The following TIPRL variants were observed in gnomAD, a reference collection of about 807,000 sequenced individuals.
TIPRL encodes the protein TOR signaling pathway regulator.
TIPRL carries 10 observed loss-of-function variants against 32.3 expected under a neutral mutation model. That is an observed-to-expected ratio of 0.31 (90% CI 0.19 to 0.52). The LOEUF is 0.52. Among genes scored for constraint, TIPRL ranks in the 20% least tolerant of loss-of-function variants. The probability of loss-of-function intolerance (pLI) is 0.96; values close to 1 mark genes in which losing one functional copy is unlikely to be tolerated. For synonymous variants in TIPRL, 100 were observed against 114.0 expected (o/e 0.88, Z 0.78); for missense variants, 250 against 328.1 (o/e 0.76, Z 1.84).
intron 5 of TIPRL, among the ~76,000 whole-genome samples, chr1:168,197,979 TAGC>T (rs1390919333): frequency 1.3e-4 from 20 of 152,310 alleles, no homozygotes; most frequent in Admixed American, 9.2e-4. Flanking sequence ...TTGTTTATAA[TAGC>T]AGAAAGGAAG....
intron 3 of TIPRL, among the ~76,000 whole-genome samples, chr1:168,187,712 C>T (rs1700044856): frequency 6.6e-6 from 1 of 152,220 alleles, no homozygotes; most frequent in African/African-American, 2.4e-5. Flanking sequence ...TGTAGTGGCT[C>T]ATGCCTGTAG....
Position 168,196,529 on chromosome 1 carries a change from C to CT in TIPRL, c.517-5dup, listed in dbSNP as rs35234155. 0.057 allele frequency: 68,046 copies of CT among 1,204,170 alleles called. No individual in the cohort carries two copies. Among genetic ancestry groups the CT allele is most frequent in the South Asian group, 0.074 (4,200 of 56,932 alleles). The allele number at this position is 1,204,170 out of a possible 1,614,324, so 74.6% of individuals were successfully genotyped here. On this transcript the variant is annotated splice_polypyrimidine_tract_variant and intron_variant, in intron 4 of 6. Transcript: ENST00000367833. ...AATTTTTATTAAAATATTAATGTACCTTTTTTTTTTTTTCCAGAGAGTAAT... is the reference window on the plus strand; with the variant it reads ...AATTTTTATTAAAATATTAATGTACCTTTTTTTTTTTTTTCCAGAGAGTAAT...
chr1:168,192,517 C>T (rs1356073431), intron 4 of TIPRL: 1 of 640,412 alleles, frequency 1.6e-6, no homozygotes, highest in Non-Finnish European at 1.9e-6. Flanking sequence ...GACCCAAAGA[C>T]CCAGCTAAAA....
At chr1:168,179,832 G>A (rs562877761) in intron 1 of TIPRL, among the ~76,000 whole-genome samples, 4 of 152,034 alleles carry the variant, frequency 2.6e-5, no homozygotes, top group Non-Finnish European at 5.9e-5. Flanking sequence ...TGATGCCTGG[G>A]CTGAATCTTG....
chr1:168,184,992 G>C, intron 3 of TIPRL, 114 bp downstream of exon 3: 1 of 641,584 alleles, frequency 1.6e-6, no homozygotes, highest in Admixed American at 3.1e-5. Context: ...CTTGTTTTCT[G>C]TTGTGGCATT....
Position 168,179,085 on chromosome 1 carries a change from T to C in TIPRL, c.8T>C (p.Ile3Thr). ...GCGGGTCCTGCCTCAGCCATGATGATCCACGGCTTCCAGAGCAGCCACCGG... is the reference window on the plus strand; with the variant it reads ...GCGGGTCCTGCCTCAGCCATGATGACCCACGGCTTCCAGAGCAGCCACCGG... MM[I>T]HGFQSSHRDF... The change falls in exon 1 of 7, where the codon ATC (isoleucine) becomes ACC (threonine). Residue 3 changes from isoleucine to threonine, a missense_variant. Coordinates refer to ENST00000367833, the MANE Select transcript of TIPRL (RefSeq NM_152902.5). 1 of 1,613,616 alleles carries C rather than the reference T, an allele frequency of 6.2e-7. No homozygotes were observed. The highest frequency in any genetic ancestry group is 8.5e-7 in the Non-Finnish European group (1 of 1,179,716).
chr1:168,191,765 G>A lies in TIPRL; in HGVS notation c.516+265G>A, dbSNP rs143676400. 2.5e-3 allele frequency among the ~76,000 whole-genome samples: 371 copies of A among 151,392 alleles called. 1 individual carries two copies. The highest frequency in any genetic ancestry group is 8.7e-3 in the African/African-American group (359 of 41,190). The stretch of plus-strand genomic sequence containing the variant: ...CGGGCGCCTGTAGTCCCAGCTACTC[G>A]GGAGGCTGAGGCAGGAGAGTAGCGT... On this transcript the variant is annotated intron_variant, in intron 4 of 6. Transcript: ENST00000367833.
intron 1 of TIPRL, among the ~76,000 whole-genome samples, chr1:168,180,012 T>G (rs1477597238): frequency 1.3e-5 from 2 of 152,046 alleles, no homozygotes; most frequent in African/African-American, 4.8e-5. Flanking sequence ...CTGAGGGAAT[T>G]TTTATGCCTG....
chr1:168,186,102 A>G lies in TIPRL; in HGVS notation c.384+1224A>G, dbSNP rs192773922. 1.7e-3 allele frequency among the ~76,000 whole-genome samples: 243 copies of G among 146,240 alleles called. 3 individuals carry two copies. Among genetic ancestry groups the G allele is most frequent in the African/African-American group, 5.4e-3 (208 of 38,244 alleles). On this transcript the variant is annotated intron_variant, in intron 3 of 6. Coordinates refer to ENST00000367833, the MANE Select transcript of TIPRL (RefSeq NM_152902.5). ...AAAAAAAAAAAAAAAAAAAAAAAAAAAGAGAGAGATTCATGGTAAATAACG... is the reference window on the plus strand; with the variant it reads ...AAAAAAAAAAAAAAAAAAAAAAAAAGAGAGAGAGATTCATGGTAAATAACG...
chr1:168,179,956 G>C (rs528000868), intron 1 of TIPRL, among the ~76,000 whole-genome samples: 1 of 152,120 alleles, frequency 6.6e-6, no homozygotes, highest in East Asian at 1.9e-4. Flanking sequence ...GGTACCATAG[G>C]GGGTGTTGTG....
rs1466257642 is a variant in TIPRL, at chr1:168,184,770, G to T, written c.285-9G>T. 1 of 1,581,428 alleles carries T rather than the reference G, an allele frequency of 6.3e-7. No individual in the cohort carries two copies. Among genetic ancestry groups the T allele is most frequent in the Admixed American group, 1.7e-5 (1 of 59,348 alleles). ...ACTGAATCTGATCCTTCTCATTTTG[G>T]TATTTGAGGACGGAGGGTGAACACT... On this transcript the variant is annotated splice_polypyrimidine_tract_variant and intron_variant, in intron 2 of 6. Coordinates refer to ENST00000367833, the MANE Select transcript of TIPRL (RefSeq NM_152902.5).
At chr1:168,198,813 C>G (rs571100463) in intron 5 of TIPRL, 106 bp from the exon 6 acceptor site, 2 of 905,650 alleles carry the variant, frequency 2.2e-6, no homozygotes, top group South Asian at 3.1e-5. Flanking sequence ...AGACTGCATG[C>G]TGTTTTGACA....
chr1:168,184,630 G>T (rs1700005395), intron 2 of TIPRL, 149 bp from the exon 3 acceptor site: 1 of 650,614 alleles, frequency 1.5e-6, no homozygotes. Context: ...CAGAAAAACT[G>T]TAAGAAAAAC....
At chr1:168,193,979 T>C (rs533658342) in intron 4 of TIPRL, among the ~76,000 whole-genome samples, 1 of 152,348 alleles carries the variant, frequency 6.6e-6, no homozygotes, top group African/African-American at 2.4e-5. Context: ...GCAAAAAATG[T>C]AGGCTGACAG....
At position 168,200,128 on chromosome 1, in the gene TIPRL, T is replaced by A; in HGVS notation, c.*82T>A. 1 of 1,448,858 alleles carries A rather than the reference T, an allele frequency of 6.9e-7. No homozygotes were observed. Among genetic ancestry groups the A allele is most frequent in the Non-Finnish European group, 9.3e-7 (1 of 1,073,410 alleles). 89.8% of individuals were successfully genotyped at this position (1,448,858 alleles called of 1,614,324 possible). On this transcript the variant is annotated 3_prime_UTR_variant, in exon 7 of 7. Coordinates refer to ENST00000367833, the MANE Select transcript of TIPRL (RefSeq NM_152902.5). ...AAGGGGTTATTTTTATTATGAGAAT[T>A]AATTGCCTTGTTTATGTACAGATTT...
intron 4 of TIPRL, among the ~76,000 whole-genome samples, chr1:168,194,491 T>C (rs555856290): frequency 1.4e-4 from 21 of 152,386 alleles, no homozygotes; most frequent in African/African-American, 5.0e-4. Flanking sequence ...TTACTGCCTG[T>C]GTTGTGTCCA....
intron 4 of TIPRL, among the ~76,000 whole-genome samples, chr1:168,191,860 A>AGACTCCGTCTC (rs1700101580): frequency 7.0e-6 from 1 of 142,934 alleles, no homozygotes; most frequent in Non-Finnish European, 1.5e-5. Flanking sequence ...CGACAGAGCA[A>AGACTCCGTCTC]AAAAAAAAAA....
intron 2 of TIPRL, 88 bp downstream of exon 2, chr1:168,184,169 C>A: frequency 1.7e-6 from 2 of 1,175,240 alleles, no homozygotes; most frequent in Non-Finnish European, 2.4e-6. Context: ...AGTAATGATA[C>A]GTGTGTGTTG....
At chr1:168,198,232 T>C (rs920419057) in intron 5 of TIPRL, among the ~76,000 whole-genome samples, 4 of 152,172 alleles carry the variant, frequency 2.6e-5, no homozygotes, top group African/African-American at 9.6e-5. Context: ...ACTGATGATT[T>C]ATACTTTTAT....
Sources: allele counts gnomAD v4.1 joint callset (sites outside exome capture counted in the v4.1 genomes callset), GRCh38; gene constraint gnomAD v4.1.1; transcripts MANE v1.5; gene names NCBI Gene and HGNC (gene_info 2026-07-23, HGNC 2026-07-21).